The following STXBP3 variants were observed in gnomAD, a reference collection of about 807,000 sequenced individuals.
STXBP3 encodes the protein syntaxin binding protein 3.
In STXBP3, 41 loss-of-function variants were observed where a neutral mutation model predicts 85.7. The ratio of observed to expected loss-of-function variants is 0.48; its 90% confidence interval spans 0.37 to 0.62. STXBP3 has a LOEUF of 0.62. STXBP3 is among the 20% of genes least tolerant of loss of function. The pLI is 0.00. For synonymous variants in STXBP3, 229 were observed against 231.7 expected, an observed-to-expected ratio of 0.99 and a Z score of 0.10; for missense variants, 563 against 703.1, an observed-to-expected ratio of 0.80 and a Z score of 2.25.
intron 17 of STXBP3, among the ~76,000 whole-genome samples, chr1:108,805,722 C>T (rs1663316416): frequency 6.6e-6 from 1 of 152,214 alleles, no homozygotes; most frequent in African/African-American, 2.4e-5. Flanking sequence ...CACGCCCAGC[C>T]AAGAACATTA....
intron 7 of STXBP3, among the ~76,000 whole-genome samples, chr1:108,774,212 G>A (rs1662534369): frequency 6.6e-6 from 1 of 152,138 alleles, no homozygotes. Flanking sequence ...TGGTCTGCTA[G>A]TTCATGTGTG....
chr1:108,776,246 C>A, intron 7 of STXBP3, 87 bp from the exon 8 acceptor site: 1 of 807,564 alleles, frequency 1.2e-6, no homozygotes. Flanking sequence ...TTTTAAATTT[C>A]AGTTTAATTT....
intron 11 of STXBP3, among the ~76,000 whole-genome samples, chr1:108,783,462 G>T (rs1373486123): frequency 6.6e-6 from 1 of 152,080 alleles, no homozygotes; most frequent in Non-Finnish European, 1.5e-5. Flanking sequence ...TTCACATAAT[G>T]AGATTCACCT....
chr1:108,756,617 A>T, intron 3 of STXBP3, 73 bp from the exon 4 acceptor site: 1 of 795,586 alleles, frequency 1.3e-6, no homozygotes, highest in Non-Finnish European at 1.8e-6. Context: ...TGGAAAGTAC[A>T]GTAAAGTTTA....
intron 6 of STXBP3, among the ~76,000 whole-genome samples, chr1:108,762,023 A>G (rs968599115): frequency 6.6e-5 from 10 of 152,194 alleles, no homozygotes; most frequent in African/African-American, 2.2e-4. Flanking sequence ...TGGAGAAATT[A>G]CATTGAAAAT....
intron 8 of STXBP3, 58 bp downstream of exon 8, chr1:108,776,481 G>C (rs1404547959): frequency 1.5e-6 from 2 of 1,318,522 alleles, no homozygotes; most frequent in African/African-American, 3.0e-5. Context: ...TTCTTTATAA[G>C]CCAAAGAAAC....
At position 108,760,045 on chromosome 1, in the gene STXBP3, G is replaced by A; in HGVS notation, c.398G>A (p.Cys133Tyr). The part of the protein sequence containing the change: ...KASCSKSIRR[C>Y]KEINISFIPH... ...TCTTGCTCCAAGTCAATAAGAAGAT[G>A]TAAAGAAATAAATATTTCCTTCATT... Residue 133 changes from cysteine to tyrosine, a missense_variant, in exon 6 of 19, where the codon TGT becomes TAT. Physicochemically the swap from Cys to Tyr is radical, Grantham distance 194 (BLOSUM62 -2). Transcript: ENST00000370008. 3 of 1,574,030 alleles carry A rather than the reference G, an allele frequency of 1.9e-6. No homozygotes were observed. Among genetic ancestry groups the A allele is most frequent in the Non-Finnish European group, 2.6e-6 (3 of 1,164,826 alleles).
chr1:108,793,157 A>ATTTTTTTTCTT (rs1663012336), intron 11 of STXBP3, among the ~76,000 whole-genome samples: 12 of 67,510 alleles, frequency 1.8e-4, no homozygotes, highest in African/African-American at 5.4e-4. Context: ...TCTTATCTCC[A>ATTTTTTTTCTT]TTTTTTTTTT....
chr1:108,808,364 A>G (rs1447837774), intron 18 of STXBP3, among the ~76,000 whole-genome samples: 2 of 152,190 alleles, frequency 1.3e-5, no homozygotes, highest in African/African-American at 4.8e-5. Context: ...ATTAAAAAAT[A>G]AGAATTTCAG....
intron 6 of STXBP3, among the ~76,000 whole-genome samples, chr1:108,771,088 A>G (rs1280458610): frequency 4.6e-5 from 7 of 151,892 alleles, no homozygotes; most frequent in African/African-American, 1.7e-4. Flanking sequence ...TCTCTGTGCT[A>G]GGAGTTAGAT....
chr1:108,761,026 C>T (rs763118482), intron 6 of STXBP3, among the ~76,000 whole-genome samples: 27 of 152,100 alleles, frequency 1.8e-4, no homozygotes, highest in Non-Finnish European at 3.5e-4. Context: ...GCCTCAGCCT[C>T]CCAAGTAGTT....
chr1:108,760,531 A>T (rs968899679), intron 6 of STXBP3, among the ~76,000 whole-genome samples: 2 of 152,176 alleles, frequency 1.3e-5, no homozygotes, highest in Admixed American at 1.3e-4. Context: ...TTGAGCCTTC[A>T]ATTAATAATA....
chr1:108,781,186 A>G (rs1172177920), intron 9 of STXBP3: 1 of 152,234 alleles, frequency 6.6e-6, no homozygotes, highest in Non-Finnish European at 1.5e-5. Flanking sequence ...GTGCAGCCTT[A>G]TATAATTGAG....
intron 6 of STXBP3, among the ~76,000 whole-genome samples, chr1:108,763,688 G>A (rs1258683721): frequency 6.6e-6 from 1 of 151,888 alleles, no homozygotes; most frequent in Admixed American, 6.6e-5. Context: ...CGATTCTCCT[G>A]CCTCAGCCTC....
chr1:108,779,591 T>TA, intron 9 of STXBP3, 181 bp downstream of exon 9: 1 of 604,062 alleles, frequency 1.7e-6, no homozygotes, highest in Non-Finnish European at 2.4e-6. Context: ...CCTTGTAAAT[T>TA]AAAGTGTAAT....
At chr1:108,793,877 G>T (rs576294348) in intron 12 of STXBP3, among the ~76,000 whole-genome samples, 1 of 141,282 alleles carries the variant, frequency 7.1e-6, no homozygotes, top group South Asian at 2.4e-4. Context: ...CTATATCTTT[G>T]TCTTGAATAG....
chr1:108,769,405 G>A (rs1662335314), intron 6 of STXBP3, among the ~76,000 whole-genome samples: 1 of 152,144 alleles, frequency 6.6e-6, no homozygotes, highest in African/African-American at 2.4e-5. Context: ...TTGTTCAAGG[G>A]TCAGACAAAC....
At chr1:108,754,020 C>CACATAAA (rs932329005) in intron 3 of STXBP3, among the ~76,000 whole-genome samples, 1 of 147,234 alleles carries the variant, frequency 6.8e-6, no homozygotes, top group African/African-American at 2.5e-5. Flanking sequence ...TTGATGTTTA[C>CACATAAA]ACATAAAATA....
intron 13 of STXBP3, among the ~76,000 whole-genome samples, chr1:108,795,996 G>T (rs1013649813): frequency 3.9e-5 from 6 of 152,084 alleles, no homozygotes; most frequent in Non-Finnish European, 7.4e-5. Context: ...CTCCCGAGTA[G>T]CTGGGATTAT....
Sources: allele counts gnomAD v4.1 joint callset (sites outside exome capture counted in the v4.1 genomes callset), GRCh38; gene constraint gnomAD v4.1.1; transcripts MANE v1.5; gene names NCBI Gene and HGNC (gene_info 2026-07-23, HGNC 2026-07-21).